The following EML1 variants were observed in gnomAD, a reference collection of about 807,000 sequenced individuals.
EML1 encodes the protein echinoderm microtubule-associated protein-like 1.
A neutral mutation model predicts 110.4 loss-of-function variants in EML1; 27 were observed. The observed-to-expected ratio is 0.24, with a 90% CI of 0.18 to 0.34. The LOEUF is 0.34. Ranked by LOEUF, EML1 falls within the 10% of genes least tolerant of loss-of-function variation. The pLI is 1.00. For missense variants in EML1, 741 were observed against 1,030.9 expected, an observed-to-expected ratio of 0.72 and a Z score of 3.85; for synonymous variants, 344 against 385.8, an observed-to-expected ratio of 0.89 and a Z score of 1.27.
Position 99,894,968 on chromosome 14 carries a change from C to T in EML1, c.677+210C>T, listed in dbSNP as rs975252. 0.31 allele frequency among the ~76,000 whole-genome samples: 47,817 copies of T among 152,082 alleles called. 8,601 individuals carry two copies. Among genetic ancestry groups the T allele is most frequent in the South Asian group, 0.49 (2,380 of 4,810 alleles). On this transcript the variant is annotated intron_variant, in intron 6 of 21. Transcript: ENST00000262233. ...CAAAGTAGGAGCTTCATAAGAGCGG[C>T]TTATTATCAGGAGAACCAACTTATC...
At chr14:99,861,934 A>T (rs2059009647) in intron 2 of EML1, among the ~76,000 whole-genome samples, 1 of 152,216 alleles carries the variant, frequency 6.6e-6, no homozygotes, top group Non-Finnish European at 1.5e-5. Flanking sequence ...CAACTAATGG[A>T]TCAATATTAA....
chr14:99,791,063 G>A (rs1183183849), upstream of EML1, among the ~76,000 whole-genome samples: 1 of 152,064 alleles, frequency 6.6e-6, no homozygotes, highest in South Asian at 2.1e-4. Context: ...GGTTTCCCAT[G>A]TTGCCCAGGC....
intron 17 of EML1, among the ~76,000 whole-genome samples, chr14:99,932,165 G>C (rs1286029956): frequency 6.6e-6 from 1 of 152,186 alleles, no homozygotes; most frequent in Non-Finnish European, 1.5e-5. Flanking sequence ...GTTGTGGATG[G>C]TACGATCAGC....
chr14:99,764,293 C>T (rs968639837), intron 1 of EML1, among the ~76,000 whole-genome samples: 4 of 152,232 alleles, frequency 2.6e-5, no homozygotes, highest in African/African-American at 9.6e-5. Context: ...CTCGCAGCAG[C>T]CCTGCAATTT....
chr14:99,836,341 C>T (rs1334050054), intron 1 of EML1, among the ~76,000 whole-genome samples: 4 of 152,078 alleles, frequency 2.6e-5, no homozygotes, highest in Non-Finnish European at 5.9e-5. Context: ...ATTGCTGGTT[C>T]GTAGGAAAGT....
Position 99,900,996 on chromosome 14 carries a change from G to A in EML1, c.965G>A (p.Gly322Asp), listed in dbSNP as rs760454967. 2 of 1,614,128 alleles carry A rather than the reference G, an allele frequency of 1.2e-6. No individual in the cohort carries two copies. Among genetic ancestry groups the A allele is most frequent in the Non-Finnish European group, 1.7e-6 (2 of 1,180,010 alleles). Reference protein sequence around the residue: ...TLNTLHVIGIGFFDRAVTCIA... With the variant: ...TLNTLHVIGIDFFDRAVTCIA... ...AATACTCTCCACGTCATTGGAATAG[G>A]TTTTTTTGACCGAGCAGTCACCTGT... is the stretch of plus-strand genomic sequence containing the variant. Residue 322 changes from glycine (G) to aspartate (D), a missense_variant, in exon 9 of 22, where the codon GGT becomes GAT. Transcript: ENST00000262233.
intron 1 of EML1, among the ~76,000 whole-genome samples, chr14:99,758,405 G>C (rs886773010): frequency 9.2e-5 from 14 of 152,132 alleles, no homozygotes; most frequent in African/African-American, 3.4e-4. Flanking sequence ...GGATTGCTTT[G>C]TGGGGGAGGA....
intron 3 of EML1, among the ~76,000 whole-genome samples, chr14:99,870,646 T>C (rs1194331029): frequency 6.6e-6 from 1 of 152,218 alleles, no homozygotes; most frequent in African/African-American, 2.4e-5. Context: ...TCATTTATCA[T>C]TCCAAAAATC....
chr14:99,759,471 C>A (rs890283646), intron 1 of EML1, among the ~76,000 whole-genome samples: 55 of 152,236 alleles, frequency 3.6e-4, no homozygotes, highest in African/African-American at 1.3e-3. Context: ...GCCGGGAGGT[C>A]CCCTTCTCTT....
chr14:99,887,736 ACC>A (rs1325232665), intron 4 of EML1, among the ~76,000 whole-genome samples: 1 of 152,192 alleles, frequency 6.6e-6, no homozygotes, highest in Non-Finnish European at 1.5e-5. Context: ...GGTCTGAAGG[ACC>A]CACTCTCAAT....
chr14:99,776,074 A>C (rs2057479036), intron 1 of EML1, among the ~76,000 whole-genome samples: 1 of 152,244 alleles, frequency 6.6e-6, no homozygotes, highest in South Asian at 2.1e-4. Context: ...ATGTCCTACA[A>C]GCAAAAATGA....
At chr14:99,802,685 G>A (rs1369231270) in intron 1 of EML1, among the ~76,000 whole-genome samples, 1 of 152,094 alleles carries the variant, frequency 6.6e-6, no homozygotes, top group African/African-American at 2.4e-5. Context: ...TTGGGCTTGT[G>A]GGGTAGGAGG....
intron 2 of EML1, among the ~76,000 whole-genome samples, chr14:99,857,953 A>G (rs2058932574): frequency 6.6e-6 from 1 of 152,202 alleles, no homozygotes; most frequent in Non-Finnish European, 1.5e-5. Flanking sequence ...AAGAATTCAA[A>G]TGAAAACGCA....
At chr14:99,797,380 G>T (rs2057795148) in intron 1 of EML1, among the ~76,000 whole-genome samples, 1 of 152,000 alleles carries the variant, frequency 6.6e-6, no homozygotes, top group Non-Finnish European at 1.5e-5. Context: ...TCCACTTTTT[G>T]ACTCTTATCA....
chr14:99,786,422 G>A (rs148751168), intron 1 of EML1, among the ~76,000 whole-genome samples: 18 of 152,318 alleles, frequency 1.2e-4, no homozygotes, highest in Admixed American at 1.0e-3. Flanking sequence ...TGCCAACTAC[G>A]TTCAACCTTG....
intron 1 of EML1, among the ~76,000 whole-genome samples, chr14:99,754,835 A>G (rs1330297603): frequency 2.0e-5 from 3 of 152,100 alleles, no homozygotes; most frequent in African/African-American, 7.2e-5. Context: ...ATGCCTGTGA[A>G]GCTTGGCCTG....
chr14:99,887,499 T>C (rs2059500482), intron 4 of EML1, among the ~76,000 whole-genome samples: 1 of 151,082 alleles, frequency 6.6e-6, no homozygotes, highest in Non-Finnish European at 1.5e-5. Context: ...CAGCTGGTGC[T>C]CCTTCACCCT....
At chr14:99,757,291 A>G (rs994442686) in intron 1 of EML1, among the ~76,000 whole-genome samples, 2 of 151,578 alleles carry the variant, frequency 1.3e-5, no homozygotes, top group African/African-American at 4.9e-5. Context: ...GTGAGCGAAG[A>G]TCGCGCCATT....
intron 1 of EML1, among the ~76,000 whole-genome samples, chr14:99,807,554 A>G (rs999544741): frequency 1.3e-5 from 2 of 152,198 alleles, no homozygotes; most frequent in Non-Finnish European, 2.9e-5. Flanking sequence ...CTGAAGGGGC[A>G]GAGGGGCAGT....
Sources: gnomAD v4.1 joint callset for allele counts (sites outside exome capture counted in the v4.1 genomes callset) on GRCh38, gnomAD v4.1.1 for gene constraint, MANE v1.5 for transcripts, NCBI Gene and HGNC (gene_info 2026-07-23, HGNC 2026-07-21) for gene names.